The following FHOD3 variants were observed in gnomAD, a reference collection of about 807,000 sequenced individuals.
FHOD3 encodes formin homology 2 domain containing 3, also known as FH1/FH2 domain-containing protein 3.
A neutral mutation model predicts 173.0 loss-of-function variants in FHOD3; 90 were observed. The observed-to-expected ratio is 0.52, with a 90% CI of 0.44 to 0.62. The LOEUF (loss-of-function observed/expected upper bound fraction) is 0.62. Among genes scored for constraint, FHOD3 ranks in the 20% least tolerant of loss-of-function variants. FHOD3 has a pLI of 0.00. For missense variants in FHOD3, 1,945 were observed against 2,034.7 expected (o/e 0.96, Z 0.85); for synonymous variants, 828 against 823.0 (o/e 1.01, Z -0.10).
At chr18:36,513,479 T>C (rs538379155) in intron 5 of FHOD3, among the ~76,000 whole-genome samples, 64 of 152,320 alleles carry the variant, frequency 4.2e-4, no homozygotes, top group African/African-American at 1.3e-3. Flanking sequence ...ACAGACTGCA[T>C]GTTCAGCGCT....
intron 24 of FHOD3, among the ~76,000 whole-genome samples, chr18:36,749,318 C>T (rs948884352): frequency 1.3e-5 from 2 of 152,140 alleles, no homozygotes; most frequent in Non-Finnish European, 2.9e-5. Flanking sequence ...ATCTTTTCTG[C>T]TCCTCTCCCT....
At chr18:36,340,200 A>G (rs2045540900) in intron 1 of FHOD3, among the ~76,000 whole-genome samples, 1 of 152,246 alleles carries the variant, frequency 6.6e-6, no homozygotes, top group South Asian at 2.1e-4. Context: ...TTTAAAGAGA[A>G]TCAGTAAGAG....
At chr18:36,470,014 G>C (rs2053184814) in intron 3 of FHOD3, among the ~76,000 whole-genome samples, 1 of 152,210 alleles carries the variant, frequency 6.6e-6, no homozygotes, top group African/African-American at 2.4e-5. Context: ...GGCTGACCTA[G>C]AAGTTTAGGA....
chr18:36,605,727 G>T (rs2031993287), intron 8 of FHOD3, among the ~76,000 whole-genome samples: 1 of 152,046 alleles, frequency 6.6e-6, no homozygotes, highest in African/African-American at 2.4e-5. Context: ...TTGTAGTAAT[G>T]CATGTTGCCC....
At chr18:36,573,457 AT>A (rs2058530353) in intron 5 of FHOD3, among the ~76,000 whole-genome samples, 3 of 148,180 alleles carry the variant, frequency 2.0e-5, no homozygotes, top group Admixed American at 6.7e-5. Context: ...AAAAAAAAAA[AT>A]AGCTTGGTGT....
chr18:36,303,166 C>A (rs934550152), intron 1 of FHOD3, among the ~76,000 whole-genome samples: 2 of 152,224 alleles, frequency 1.3e-5, no homozygotes, highest in Non-Finnish European at 2.9e-5. Flanking sequence ...AGCAGGCAGG[C>A]AGATGAGGAA....
At chr18:36,362,377 G>T (rs1330398287) in intron 2 of FHOD3, among the ~76,000 whole-genome samples, 1 of 152,220 alleles carries the variant, frequency 6.6e-6, no homozygotes, top group Non-Finnish European at 1.5e-5. Context: ...TGTGGCATTA[G>T]GGGAATAGTG....
rs368544178 is a variant in FHOD3, at chr18:36,681,562, C to G, written c.1962C>G (p.Asn654Lys). The G allele has an allele frequency of 3.7e-6, 6 of 1,612,552 alleles. No homozygotes were observed. The highest frequency in any genetic ancestry group is 5.1e-6 in the Non-Finnish European group (6 of 1,179,394). ...AGAGAATAGAGCGGGAAGAAAGAAACAAATTCAGGTAAGAAGGATCTTAAG... is the reference window on the plus strand; with the variant it reads ...AGAGAATAGAGCGGGAAGAAAGAAAGAAATTCAGGTAAGAAGGATCTTAAG... ...RLQRIEREER[N>K]KFSRDYLDKR... Residue 654 changes from asparagine (N) to lysine (K), a missense_variant, in exon 15 of 29, where the codon AAC becomes AAG. By Grantham distance (94) the Asn-to-Lys change is moderately conservative. Coordinates refer to ENST00000590592, the MANE Select transcript of FHOD3 (RefSeq NM_001281740.3).
intron 3 of FHOD3, among the ~76,000 whole-genome samples, chr18:36,394,616 C>A (rs2048460938): frequency 6.6e-6 from 1 of 152,154 alleles, no homozygotes; most frequent in South Asian, 2.1e-4. Flanking sequence ...CCACTGGAAC[C>A]CAAGGAGGCT....
intron 3 of FHOD3, among the ~76,000 whole-genome samples, chr18:36,450,364 G>A (rs1396984818): frequency 6.6e-6 from 1 of 152,194 alleles, no homozygotes; most frequent in Admixed American, 6.5e-5. Flanking sequence ...GGGCTCTGAG[G>A]TCAGGCCATT....
At chr18:36,577,757 G>A (rs996576311) in intron 6 of FHOD3, among the ~76,000 whole-genome samples, 9 of 152,234 alleles carry the variant, frequency 5.9e-5, no homozygotes, top group Admixed American at 2.6e-4. Context: ...CACCAGCCAC[G>A]CCTTGGCTGC....
chr18:36,331,518 T>G (rs531178514), intron 1 of FHOD3, among the ~76,000 whole-genome samples: 1 of 152,296 alleles, frequency 6.6e-6, no homozygotes, highest in South Asian at 2.1e-4. Context: ...AACCACACAG[T>G]GATCTAAACA....
At chr18:36,437,829 A>G (rs1282511091) in intron 3 of FHOD3, among the ~76,000 whole-genome samples, 1 of 151,830 alleles carries the variant, frequency 6.6e-6, no homozygotes, top group Admixed American at 6.6e-5. Context: ...ACAGCCAGCT[A>G]ATTTTTATAT....
chr18:36,395,745 T>A (rs952491394), intron 3 of FHOD3, among the ~76,000 whole-genome samples: 20 of 138,430 alleles, frequency 1.4e-4, no homozygotes, highest in Admixed American at 7.5e-4. Flanking sequence ...CTCTTATGAA[T>A]TTTTTTGTTT....
intron 5 of FHOD3, among the ~76,000 whole-genome samples, chr18:36,523,246 AGGTTAAATGTCATT>A (rs2056360311): frequency 1.3e-5 from 2 of 152,190 alleles, no homozygotes; most frequent in Admixed American, 1.3e-4. Context: ...GTGAGGGAAG[AGGTTAAATGTCATT>A]GGATAAATAA....
chr18:36,724,801 C>A (rs1420506693), intron 19 of FHOD3, among the ~76,000 whole-genome samples: 1 of 152,172 alleles, frequency 6.6e-6, no homozygotes, highest in Non-Finnish European at 1.5e-5. Context: ...GTCTTTCCTC[C>A]AGGGGAGAAG....
intron 17 of FHOD3, among the ~76,000 whole-genome samples, chr18:36,705,981 G>A (rs1046143443): frequency 2.1e-5 from 3 of 142,000 alleles, no homozygotes; most frequent in African/African-American, 7.5e-5. Flanking sequence ...GTGTGTGTGT[G>A]TGTGTGTGTG....
chr18:36,394,151 G>A (rs1205723606), intron 3 of FHOD3, among the ~76,000 whole-genome samples: 3 of 152,098 alleles, frequency 2.0e-5, no homozygotes, highest in African/African-American at 2.4e-5. Context: ...GGCTGAGTGA[G>A]GGAGACCTGG....
intron 17 of FHOD3, among the ~76,000 whole-genome samples, chr18:36,700,334 G>A (rs2039510944): frequency 6.6e-6 from 1 of 152,142 alleles, no homozygotes; most frequent in South Asian, 2.1e-4. Context: ...CAGGCTGAGG[G>A]CTGTTCAGAT....
Sources: gnomAD v4.1 joint callset for allele counts (sites outside exome capture counted in the v4.1 genomes callset) on GRCh38, gnomAD v4.1.1 for gene constraint, MANE v1.5 for transcripts, NCBI Gene and HGNC (gene_info 2026-07-23, HGNC 2026-07-21) for gene names.